The following KARS1 variants were observed in gnomAD, a reference collection of about 807,000 sequenced individuals.
KARS1 encodes the protein lysine--tRNA ligase.
Under a neutral mutation model 63.9 loss-of-function variants are expected in KARS1, and 50 were observed. The observed-to-expected ratio is 0.78, with a 90% confidence interval of 0.62 to 0.99. The LOEUF (loss-of-function observed/expected upper bound fraction) is 0.99, where lower values mean the gene tolerates loss of function less well. Among genes scored for constraint, KARS1 ranks in the 50% least tolerant of loss-of-function variants. KARS1 has a pLI of 0.00. For missense variants in KARS1, 816 were observed against 754.5 expected (o/e 1.08, Z -0.95); for synonymous variants, 320 against 264.6 (o/e 1.21, Z -2.03).
intron 7 of KARS1, among the ~76,000 whole-genome samples, chr16:75,633,515 CTTTTTTTTTTT>C (rs770761249): frequency 1.6e-5 from 2 of 127,504 alleles, no homozygotes; most frequent in East Asian, 2.7e-4. Flanking sequence ...TTTGAAGATA[CTTTTTTTTTTT>C]TTTTTTTTTG....
chr16:75,629,477 T>C lies in KARS1; in HGVS notation c.1489A>G (p.Asn497Asp). The change falls in exon 12 of 14, where the codon AAT becomes GAT. Residue 497 changes from asparagine to aspartate, a missense_variant. Asn to Asp is a conservative substitution (Grantham distance 23). Coordinates refer to ENST00000302445, the MANE Select transcript of KARS1 (RefSeq NM_005548.3). ...GGATCATTCAGCTCAGTATACGCAT[T>C]GCATATCTCTTTCTTCATGACAAAC... is the stretch of plus-strand genomic sequence containing the variant. ...ELFVMKKEIC[N>D]AYTELNDPMR... is the part of the protein sequence containing the mutation. 1 of 1,614,230 alleles carries C rather than the reference T, an allele frequency of 6.2e-7. No homozygotes were observed. The highest frequency in any genetic ancestry group is 8.5e-7 in the Non-Finnish European group (1 of 1,180,022).
At chr16:75,633,664 C>T (rs1404972328) in intron 7 of KARS1, among the ~76,000 whole-genome samples, 1 of 152,118 alleles carries the variant, frequency 6.6e-6, no homozygotes, top group Non-Finnish European at 1.5e-5. Flanking sequence ...ATTACAGGCA[C>T]ATGCCACCAC....
In KARS1 at chr16:75,640,284, T is replaced by C. The variant is rs1323369725; in HGVS notation, c.288A>G (p.Pro96=). Residue 96 remains proline (P), a synonymous_variant, in exon 3 of 14, where the codon CCA becomes CCG. Transcript: ENST00000302445. ...GTGAGATGTCTACATGGAACTTGTGTGGGTATGGGTCTTCCCCATTGACCT... is the reference window on the plus strand; with the variant it reads ...GTGAGATGTCTACATGGAACTTGTGCGGGTATGGGTCTTCCCCATTGACCT... ...QLKVNGEDPY[P]HKFHVDISLT... is the part of the protein sequence containing the mutation. 6 of 1,612,978 alleles carry C rather than the reference T, an allele frequency of 3.7e-6. No individual in the cohort carries two copies. The South Asian group carries it at 4.4e-5, about 12-fold the overall frequency.
intron 1 of KARS1, chr16:75,644,262 A>C: frequency 6.3e-7 from 1 of 1,582,308 alleles, no homozygotes; most frequent in Non-Finnish European, 8.6e-7. Flanking sequence ...CAGAGCAATA[A>C]AGAAGGTAAT....
At chr16:75,644,600 G>T in intron 1 of KARS1, 1 of 549,280 alleles carries the variant, frequency 1.8e-6, no homozygotes, top group Non-Finnish European at 3.2e-6. Flanking sequence ...TGTCTTAACT[G>T]ATAGCAACCC....
chr16:75,635,553 A>C, intron 6 of KARS1, 127 bp downstream of exon 6: 1 of 1,077,082 alleles, frequency 9.3e-7, no homozygotes, highest in East Asian at 2.4e-5. Context: ...ATGGCAAGAA[A>C]AGGGGACATT....
Position 75,640,354 on chromosome 16 carries a change from TAAAAAAAAA to T in KARS1, c.223-14_223-6del. On this transcript the variant is annotated splice_polypyrimidine_tract_variant and splice_region_variant and intron_variant, in intron 2 of 13. Transcript: ENST00000302445. The stretch of plus-strand genomic sequence containing the variant: ...ACTGCGGATTTTGTAGTATTGCTGT[TAAAAAAAAA>T]AAAAAAAAAGCCCTTCAGAAGTTGA... 1 of 1,534,706 alleles carries T rather than the reference TAAAAAAAAA, an allele frequency of 6.5e-7. No homozygotes were observed. Among genetic ancestry groups the T allele is most frequent in the South Asian group, 1.2e-5 (1 of 85,972 alleles).
chr16:75,633,584 C>G (rs955863301), intron 7 of KARS1, among the ~76,000 whole-genome samples: 1 of 143,202 alleles, frequency 7.0e-6, no homozygotes, highest in African/African-American at 2.6e-5. Flanking sequence ...GTTGCAGGAT[C>G]TCGGCTCACT....
chr16:75,631,548 G>C lies in KARS1; in HGVS notation c.1120C>G (p.His374Asp). The C allele has an allele frequency of 6.2e-7, 1 of 1,614,128 alleles. No individual in the cohort carries two copies. The highest frequency in any genetic ancestry group is 8.5e-7 in the Non-Finnish European group (1 of 1,180,000). Reference sequence around the variant, plus strand: ...GCTTGGCCCTCTGGGCCATCTGGGTGGTAGGTGACCTTGTAACTGCCTGTA... The same window carrying C: ...GCTTGGCCCTCTGGGCCATCTGGGTCGTAGGTGACCTTGTAACTGCCTGTA... ...HITGSYKVTY[H>D]PDGPEGQAYD... Residue 374 changes from histidine (H) to aspartate (D), a missense_variant, in exon 9 of 14, where the codon CAC (histidine) becomes GAC (aspartate). By Grantham distance (81) the His-to-Asp change is moderately conservative. Coordinates refer to ENST00000302445, the MANE Select transcript of KARS1 (RefSeq NM_005548.3).
intron 6 of KARS1, chr16:75,635,283 G>C (rs1193906381): frequency 3.2e-6 from 1 of 311,394 alleles, no homozygotes; most frequent in African/African-American, 2.2e-5. Flanking sequence ...CTCAAGTTTG[G>C]GTAGGGAAGT....
chr16:75,647,580 C>G lies in KARS1; in HGVS notation c.60G>C (p.Lys20Asn). ...TAAAGACTCGCAGCGACACTCACTT[C>G]TTGCTCAGTTTCGGCTCGCTGCCAT... ...KVDGSEPKLS[K>N]NELKRRLKAE... is the part of the protein sequence containing the mutation. Residue 20 changes from lysine (K) to asparagine (N), a missense_variant and splice_region_variant, in exon 1 of 14, where the codon AAG becomes AAC. By Grantham distance (94) the Lys-to-Asn change is moderately conservative. Coordinates refer to ENST00000302445, the MANE Select transcript of KARS1 (RefSeq NM_005548.3). 2 of 1,613,606 alleles carry G rather than the reference C, an allele frequency of 1.2e-6. No homozygotes were observed. Among genetic ancestry groups the G allele is most frequent in the South Asian group, 1.1e-5 (1 of 90,972 alleles).
chr16:75,634,294 T>G lies in KARS1; in HGVS notation c.796-2A>C. 1 of 1,613,892 alleles carries G rather than the reference T, an allele frequency of 6.2e-7. No individual in the cohort carries two copies. The highest frequency in any genetic ancestry group is 8.5e-7 in the Non-Finnish European group (1 of 1,179,844). On this transcript the variant is annotated splice_acceptor_variant, in intron 6 of 13. Coordinates refer to ENST00000302445, the MANE Select transcript of KARS1 (RefSeq NM_005548.3). LOFTEE classifies it high-confidence loss of function. ...GATGTTCATCATGGGAGTTTCAATC[T>G]AAAAAAGGCAGGGAGAAACATCAGT...
Position 75,627,794 on chromosome 16 carries a change from G to A in KARS1, c.*101C>T, listed in dbSNP as rs2082066928. 6 of 785,138 alleles carry A rather than the reference G, an allele frequency of 7.6e-6. No homozygotes were observed. Among genetic ancestry groups the A allele is most frequent in the South Asian group, 2.7e-5 (2 of 73,848 alleles). The allele number at this position is 785,138 out of a possible 1,614,324, so 48.6% of individuals were successfully genotyped here. A position where few individuals can be genotyped will look rare whatever the true frequency, so the allele number is the denominator to read the frequency against. ...TCTTCTGATGGCTGAACAGAACTGC[G>A]GTGTCAAATGGAAAGCAGCACACAA... is the stretch of plus-strand genomic sequence containing the variant. On this transcript the variant is annotated 3_prime_UTR_variant, in exon 14 of 14. Transcript: ENST00000302445.
In KARS1 at chr16:75,631,550, T is replaced by C. The variant is rs766848397; in HGVS notation, c.1118A>G (p.Tyr373Cys). 3.1e-6 allele frequency: 5 copies of C among 1,614,130 alleles called. No individual in the cohort carries two copies. In the South Asian group the frequency reaches 4.4e-5, roughly 14 times the overall value. ...KHITGSYKVT[Y>C]HPDGPEGQAY... is the part of the protein sequence containing the mutation. ...TTGGCCCTCTGGGCCATCTGGGTGG[T>C]AGGTGACCTTGTAACTGCCTGTAAT... Residue 373 changes from tyrosine to cysteine, a missense_variant, in exon 9 of 14, where the codon TAC (tyrosine) becomes TGC (cysteine). Coordinates refer to ENST00000302445, the MANE Select transcript of KARS1 (RefSeq NM_005548.3).
chr16:75,639,336 C>G (rs2082197328), intron 3 of KARS1, among the ~76,000 whole-genome samples: 1 of 151,808 alleles, frequency 6.6e-6, no homozygotes, highest in South Asian at 2.1e-4. Flanking sequence ...CTTTGGGAAG[C>G]CGAGGCAGGT....
At chr16:75,630,723 C>A (rs1287287708) in intron 10 of KARS1, among the ~76,000 whole-genome samples, 1 of 152,098 alleles carries the variant, frequency 6.6e-6, no homozygotes, top group Non-Finnish European at 1.5e-5. Context: ...GCAACCTCCG[C>A]ATCCTGGTTC....
In KARS1 at chr16:75,635,674, C is replaced by T. The variant is rs929714542; in HGVS notation, c.795+6G>A. The T allele has an allele frequency of 8.1e-6, 13 of 1,613,590 alleles. No homozygotes were observed. Among genetic ancestry groups the T allele is most frequent in the African/African-American group, 6.7e-5 (5 of 74,922 alleles). On this transcript the variant is annotated splice_donor_region_variant and intron_variant, in intron 6 of 13. Coordinates refer to ENST00000302445, the MANE Select transcript of KARS1 (RefSeq NM_005548.3). ...CTCATCACGTCAGGCAAGGAACTCT[C>T]CTTACCTCTAGGAATCCCAGCTCAT... is the stretch of plus-strand genomic sequence containing the variant.
rs957012514 is a variant in KARS1, at chr16:75,637,364, A to G, written c.389-817T>C. Among the ~76,000 whole-genome samples, 4 of 152,008 alleles carry G rather than the reference A, an allele frequency of 2.6e-5. No individual in the cohort carries two copies. The East Asian group carries it at 7.7e-4, about 29-fold the overall frequency. On this transcript the variant is annotated intron_variant, in intron 3 of 13. Transcript: ENST00000302445. ...GGATCTGAGAACTGGAAAGCCCCCA[A>G]ATGGCCAAAGGTATCCTCTGGAAAA...
At chr16:75,646,262 G>A (rs111330594) in intron 1 of KARS1, among the ~76,000 whole-genome samples, 4,736 of 152,292 alleles carry the variant, frequency 0.031, 111 homozygotes, top group African/African-American at 0.063. Context: ...TCAGGCCAGG[G>A]GTGGTGGCTC....
Sources: gnomAD v4.1 joint callset for allele counts (sites outside exome capture counted in the v4.1 genomes callset) on GRCh38, gnomAD v4.1.1 for gene constraint, MANE v1.5 for transcripts, NCBI Gene and HGNC (gene_info 2026-07-23, HGNC 2026-07-21) for gene names.